Variants in TEKT1 observed in about 807,000 individuals in gnomAD.
The protein encoded by TEKT1 is tektin-1.
A neutral mutation model predicts 34.8 loss-of-function variants in TEKT1; 32 were observed. That is an observed-to-expected ratio of 0.92 (90% CI 0.69 to 1.23). The LOEUF (loss-of-function observed/expected upper bound fraction) is 1.23, where lower values mean the gene tolerates loss of function less well. Among genes scored for constraint, TEKT1 ranks in the 50% most tolerant of loss-of-function variants. The probability of loss-of-function intolerance (pLI) is 0.00; values close to 1 mark genes in which losing one functional copy is unlikely to be tolerated. For missense variants in TEKT1, 492 were observed against 518.5 expected, an observed-to-expected ratio of 0.95 and a Z score of 0.50; for synonymous variants, 207 against 199.8, an observed-to-expected ratio of 1.04 and a Z score of -0.30.
intron 6 of TEKT1, among the ~76,000 whole-genome samples, chr17:6,804,691 A>G (rs1196691621): frequency 6.6e-6 from 1 of 152,182 alleles, no homozygotes; most frequent in Non-Finnish European, 1.5e-5. Flanking sequence ...ATTTTGTCAA[A>G]GGCCTTTTCT....
chr17:6,818,583 G>GT (rs1226661725), intron 3 of TEKT1, among the ~76,000 whole-genome samples: 1 of 152,146 alleles, frequency 6.6e-6, no homozygotes, highest in Non-Finnish European at 1.5e-5. Flanking sequence ...AGAACCCCTG[G>GT]TTTTTTGGCT....
chr17:6,805,818 T>C (rs1453261082), intron 6 of TEKT1, among the ~76,000 whole-genome samples: 1 of 152,224 alleles, frequency 6.6e-6, no homozygotes, highest in Non-Finnish European at 1.5e-5. Flanking sequence ...TTGATTGCAC[T>C]GTGGTCTGAG....
At chr17:6,826,627 GATAGAT>G (rs1567682237) in intron 2 of TEKT1, among the ~76,000 whole-genome samples, 1 of 140,696 alleles carries the variant, frequency 7.1e-6, no homozygotes, top group Non-Finnish European at 1.6e-5. Context: ...CAGATAGATA[GATAGAT>G]AGATAGATAG....
chr17:6,800,548 T>A (rs1976755328), intron 7 of TEKT1, among the ~76,000 whole-genome samples, 199 bp downstream of exon 7: 1 of 152,234 alleles, frequency 6.6e-6, no homozygotes, highest in Admixed American at 6.5e-5. Flanking sequence ...TTCTTTAGAA[T>A]CACTCAATAT....
At chr17:6,828,327 C>T (rs569646320) in intron 2 of TEKT1, among the ~76,000 whole-genome samples, 1 of 152,244 alleles carries the variant, frequency 6.6e-6, no homozygotes, top group South Asian at 2.1e-4. Flanking sequence ...TAAGGGTCAA[C>T]CTATTAGGAG....
chr17:6,816,943 A>G (rs1977015178), intron 3 of TEKT1, among the ~76,000 whole-genome samples: 1 of 152,180 alleles, frequency 6.6e-6, no homozygotes, highest in Non-Finnish European at 1.5e-5. Context: ...ATGAGATGGT[A>G]TCTCATTGTG....
chr17:6,823,436 G>A (rs970988539), intron 2 of TEKT1, among the ~76,000 whole-genome samples: 5 of 152,120 alleles, frequency 3.3e-5, no homozygotes, highest in African/African-American at 7.2e-5. Flanking sequence ...CTGTGTGTGT[G>A]TATGTGTGCA....
intron 2 of TEKT1, 141 bp downstream of exon 2, chr17:6,830,046 T>G: frequency 1.2e-6 from 1 of 860,034 alleles, no homozygotes; most frequent in Non-Finnish European, 1.7e-6. Flanking sequence ...GCAGTGAACT[T>G]AAACATAGAA....
intron 4 of TEKT1, among the ~76,000 whole-genome samples, 197 bp downstream of exon 4, chr17:6,815,637 C>G (rs1233036053): frequency 6.6e-6 from 1 of 152,164 alleles, no homozygotes; most frequent in Non-Finnish European, 1.5e-5. Flanking sequence ...CCAGCCCCAC[C>G]CTTACCAGAG....
At chr17:6,821,967 C>G (rs748888359) in intron 2 of TEKT1, among the ~76,000 whole-genome samples, 14 of 152,136 alleles carry the variant, frequency 9.2e-5, no homozygotes, top group Non-Finnish European at 8.8e-5. Context: ...GGAATTCAAG[C>G]CAGCTACAGA....
intron 1 of TEKT1, among the ~76,000 whole-genome samples, chr17:6,831,026 A>AAGG (rs57509315): frequency 0.069 from 10,400 of 149,950 alleles, 462 homozygotes; most frequent in East Asian, 0.12. Flanking sequence ...GAGGAAGAAG[A>AAGG]AGGAGGAGGA....
At chr17:6,807,162 C>T (rs533001644) in intron 6 of TEKT1, among the ~76,000 whole-genome samples, 74 of 152,220 alleles carry the variant, frequency 4.9e-4, no homozygotes, top group Non-Finnish European at 9.3e-4. Context: ...AGGCTTTGTT[C>T]GTTTCTTTTC....
chr17:6,814,042 A>C (rs886159888), intron 5 of TEKT1, among the ~76,000 whole-genome samples: 3 of 151,930 alleles, frequency 2.0e-5, no homozygotes, highest in Non-Finnish European at 4.4e-5. Flanking sequence ...TGAAATTCAC[A>C]AGGCAAGGAA....
At chr17:6,823,426 CTG>C in intron 2 of TEKT1, among the ~76,000 whole-genome samples, 1 of 152,170 alleles carries the variant, frequency 6.6e-6, no homozygotes, top group East Asian at 1.9e-4. Flanking sequence ...CTCTAACTCT[CTG>C]TGTGTGTGTA....
chr17:6,800,134 A>G lies in TEKT1; in HGVS notation c.1150T>C (p.Tyr384His), dbSNP rs762058411. The G allele has an allele frequency of 6.2e-7, 1 of 1,614,190 alleles. No homozygotes were observed. Among genetic ancestry groups the G allele is most frequent in the South Asian group, 1.1e-5 (1 of 91,090 alleles). ...EEIQVKENTI[Y>H]IDEVLCMQMR... ...TGCATACACAGCACTTCGTCGATAT[A>G]AATGGTGTTCTCTTTGACCTGGATC... Residue 384 changes from tyrosine to histidine, a missense_variant, in exon 8 of 8, where the codon TAT becomes CAT. Physicochemically the swap from Tyr to His is moderately conservative, Grantham distance 83 (BLOSUM62 2). Transcript: ENST00000338694.
chr17:6,821,642 G>C (rs565296718), intron 2 of TEKT1, among the ~76,000 whole-genome samples: 4 of 152,334 alleles, frequency 2.6e-5, no homozygotes, highest in African/African-American at 9.6e-5. Context: ...GGCAGAGGTT[G>C]GGACAGTGTG....
At position 6,815,308 on chromosome 17, in the gene TEKT1, T is replaced by G. The variant is rs776630684; in HGVS notation, c.486-2A>C. ...TTGTACTTGGCAGAGCGGTTCATCC[T>G]GAAGGGAGAAAGTAAACTGGGTTTC... On this transcript the variant is annotated splice_acceptor_variant, in intron 4 of 7. Coordinates refer to ENST00000338694, the MANE Select transcript of TEKT1 (RefSeq NM_053285.2). LOFTEE classifies it high-confidence loss of function. The G allele has an allele frequency of 6.2e-7, 1 of 1,614,128 alleles. No homozygotes were observed. The highest frequency in any genetic ancestry group is 1.3e-5 in the African/African-American group (1 of 74,944).
At chr17:6,824,431 C>T (rs919771560) in intron 2 of TEKT1, among the ~76,000 whole-genome samples, 2 of 151,930 alleles carry the variant, frequency 1.3e-5, no homozygotes, top group Non-Finnish European at 1.5e-5. Flanking sequence ...TCCTCACGTA[C>T]TCTACACATT....
chr17:6,817,687 A>G (rs542087548), intron 3 of TEKT1, among the ~76,000 whole-genome samples: 2 of 152,204 alleles, frequency 1.3e-5, no homozygotes, highest in East Asian at 3.9e-4. Flanking sequence ...TAGTGCTTGG[A>G]AAGGAGGTTC....
Sources: allele counts gnomAD v4.1 joint callset (sites outside exome capture counted in the v4.1 genomes callset), GRCh38; gene constraint gnomAD v4.1.1; transcripts MANE v1.5; gene names NCBI Gene and HGNC (gene_info 2026-07-23, HGNC 2026-07-21).